ATG7: variants seen among roughly 807,000 people sequenced by gnomAD.
ATG7 encodes the protein ubiquitin-like modifier-activating enzyme ATG7.
A neutral mutation model predicts 82.4 loss-of-function variants in ATG7; 70 were observed. The observed-to-expected ratio is 0.85, with a 90% CI of 0.70 to 1.04. The LOEUF (loss-of-function observed/expected upper bound fraction) is 1.04, where lower values mean the gene tolerates loss of function less well. ATG7 is among the 50% of genes least tolerant of loss of function. The pLI is 0.00. For missense variants in ATG7, 792 were observed against 864.3 expected, an observed-to-expected ratio of 0.92 and a Z score of 1.05; for synonymous variants, 287 against 313.0, an observed-to-expected ratio of 0.92 and a Z score of 0.88.
At chr3:11,451,235 T>A (rs1282014233) in intron 20 of ATG7, among the ~76,000 whole-genome samples, 2 of 146,316 alleles carry the variant, frequency 1.4e-5, no homozygotes, top group Non-Finnish European at 3.0e-5. Flanking sequence ...TTTTTTGAGA[T>A]CTATATCACT....
chr3:11,479,225 G>A (rs529509717), intron 20 of ATG7, among the ~76,000 whole-genome samples: 2 of 152,188 alleles, frequency 1.3e-5, no homozygotes, highest in Admixed American at 6.5e-5. Flanking sequence ...ATTCCACAGA[G>A]AAGACTGGCA....
At chr3:11,545,235 G>C (rs2071176079) in intron 20 of ATG7, among the ~76,000 whole-genome samples, 1 of 152,212 alleles carries the variant, frequency 6.6e-6, no homozygotes, top group Non-Finnish European at 1.5e-5. Flanking sequence ...CTCTCCCTCT[G>C]TGCAAGGGGA....
At chr3:11,400,206 A>G (rs1471490337) in intron 19 of ATG7, among the ~76,000 whole-genome samples, 2 of 152,176 alleles carry the variant, frequency 1.3e-5, no homozygotes, top group Non-Finnish European at 2.9e-5. Flanking sequence ...CTGGTAGATC[A>G]TATAACTCAT....
In ATG7 at chr3:11,556,650, A is replaced by AATTTTTCCCTTTC. The variant is rs1267704182; in HGVS notation, c.*1807_*1808insATTTTTCCCTTTC. On this transcript the variant is annotated 3_prime_UTR_variant, in exon 21 of 21. Coordinates refer to ENST00000693202, the MANE Select transcript of ATG7 (RefSeq NM_001349232.2). ...CGAACAACAAAAAAAATGAATGATT[A>AATTTTTCCCTTTC]CAATAGGAAAGGGAAAAATTAAATA... The AATTTTTCCCTTTC allele has an allele frequency of 6.5e-6, 1 of 152,716 alleles. No individual in the cohort carries two copies. Among genetic ancestry groups the AATTTTTCCCTTTC allele is most frequent in the Non-Finnish European group, 1.5e-5 (1 of 68,038 alleles). 9.5% of individuals were successfully genotyped at this position (152,716 alleles called of 1,614,324 possible).
At chr3:11,377,465 T>C (rs1455058076) in intron 18 of ATG7, among the ~76,000 whole-genome samples, 1 of 152,190 alleles carries the variant, frequency 6.6e-6, no homozygotes, top group Admixed American at 6.5e-5. Context: ...GTTTTTCTTC[T>C]CTATTTCCTC....
At chr3:11,487,982 C>T (rs1201106310) in intron 20 of ATG7, among the ~76,000 whole-genome samples, 2 of 1,772 alleles carry the variant, frequency 1.1e-3, no homozygotes, top group Admixed American at 3.5e-3. Context: ...CTCGGCCGGG[C>T]AGAGGCGCTC....
At chr3:11,280,104 T>C (rs1942765270) in intron 1 of ATG7, among the ~76,000 whole-genome samples, 1 of 151,918 alleles carries the variant, frequency 6.6e-6, no homozygotes, top group Admixed American at 6.6e-5. Context: ...TGGAGTGCAG[T>C]AGTGCTATCT....
At chr3:11,490,870 G>A (rs1256620216) in intron 20 of ATG7, among the ~76,000 whole-genome samples, 2 of 152,092 alleles carry the variant, frequency 1.3e-5, no homozygotes, top group Admixed American at 6.5e-5. Flanking sequence ...TCCCTTTGTG[G>A]GTAACCTGAC....
At chr3:11,441,184 G>T (rs558010530) in intron 20 of ATG7, among the ~76,000 whole-genome samples, 1 of 152,092 alleles carries the variant, frequency 6.6e-6, no homozygotes, top group Non-Finnish European at 1.5e-5. Context: ...TTTGAAAGAG[G>T]CCATACTTAA....
chr3:11,344,924 G>T (rs530455349), intron 13 of ATG7, among the ~76,000 whole-genome samples: 4 of 152,090 alleles, frequency 2.6e-5, no homozygotes, highest in Non-Finnish European at 2.9e-5. Context: ...AGTCAAATTG[G>T]TTTATAGTCA....
At chr3:11,528,333 A>G (rs1265893468) in intron 20 of ATG7, among the ~76,000 whole-genome samples, 1 of 152,180 alleles carries the variant, frequency 6.6e-6, no homozygotes, top group Non-Finnish European at 1.5e-5. Context: ...TTAAAAAAAC[A>G]TAAGATAGCT....
At chr3:11,508,560 A>T (rs1352772012) in intron 20 of ATG7, among the ~76,000 whole-genome samples, 1 of 152,094 alleles carries the variant, frequency 6.6e-6, no homozygotes, top group Non-Finnish European at 1.5e-5. Context: ...GGCTCAGGTG[A>T]TCCTCCTGCT....
intron 20 of ATG7, among the ~76,000 whole-genome samples, chr3:11,474,786 G>GAT (rs1368187418): frequency 6.6e-6 from 1 of 152,188 alleles, no homozygotes; most frequent in Non-Finnish European, 1.5e-5. Flanking sequence ...GAGGAGCTGA[G>GAT]ATGACCCTCG....
chr3:11,558,267 A>C, downstream of ATG7: 1 of 501,910 alleles, frequency 2.0e-6, no homozygotes, highest in Non-Finnish European at 3.5e-6. Context: ...CCGTCGGGGC[A>C]GCAGACCTGC....
At chr3:11,484,352 C>G (rs2089367248) in intron 20 of ATG7, among the ~76,000 whole-genome samples, 1 of 152,194 alleles carries the variant, frequency 6.6e-6, no homozygotes, top group South Asian at 2.1e-4. Flanking sequence ...CAAAATCATG[C>G]CACTGTACTC....
At chr3:11,540,473 T>TATAAAAA (rs55927903) in intron 20 of ATG7, among the ~76,000 whole-genome samples, 126,151 of 150,612 alleles carry the variant, frequency 0.84, 52,996 homozygotes, top group East Asian at 0.92. Flanking sequence ...ACCCTATCTC[T>TATAAAAA]ATAAAAAATA....
intron 19 of ATG7, among the ~76,000 whole-genome samples, chr3:11,418,102 C>T (rs984027483): frequency 7.3e-5 from 11 of 151,078 alleles, no homozygotes; most frequent in East Asian, 2.0e-4. Context: ...TGAGCCACAG[C>T]GCCTGGCCTG....
intron 20 of ATG7, among the ~76,000 whole-genome samples, chr3:11,493,110 CGAATT>C (rs2090527486): frequency 6.6e-6 from 1 of 152,168 alleles, no homozygotes; most frequent in Non-Finnish European, 1.5e-5. Context: ...GTCACGTAGA[CGAATT>C]GAAGTTATGG....
At chr3:11,317,122 G>A (rs1478946830) in intron 9 of ATG7, among the ~76,000 whole-genome samples, 2 of 152,110 alleles carry the variant, frequency 1.3e-5, no homozygotes, top group Non-Finnish European at 2.9e-5. Flanking sequence ...TTACAGGCGT[G>A]AGCCACCACT....
Sources: allele counts gnomAD v4.1 joint callset (sites outside exome capture counted in the v4.1 genomes callset), GRCh38; gene constraint gnomAD v4.1.1; transcripts MANE v1.5; gene names NCBI Gene and HGNC (gene_info 2026-07-23, HGNC 2026-07-21).